Variants in WNK3 observed in about 807,000 individuals in gnomAD.
WNK3 encodes the protein serine/threonine-protein kinase WNK3.
Under a neutral mutation model 116.7 loss-of-function variants are expected in WNK3, and 18 were observed. The observed-to-expected ratio is 0.15, with a 90% CI of 0.11 to 0.23. The LOEUF (loss-of-function observed/expected upper bound fraction) is 0.23. Ranked by LOEUF, WNK3 falls within the 10% of genes least tolerant of loss-of-function variation. The pLI is 1.00. For synonymous variants in WNK3, 404 were observed against 469.4 expected (o/e 0.86, Z 1.80); for missense variants, 993 against 1,323.8 (o/e 0.75, Z 3.88).
intron 20 of WNK3, among the ~76,000 whole-genome samples, chrX:54,233,609 T>C (rs782270313): frequency 3.2e-4 from 35 of 109,883 alleles, no homozygotes; most frequent in Middle Eastern, 4.8e-3. Flanking sequence ...AGAAAAAGAT[T>C]AACAAATTTC....
At chrX:54,216,218 C>T (rs2067693391) in intron 22 of WNK3, among the ~76,000 whole-genome samples, 1 of 108,539 alleles carries the variant, frequency 9.2e-6, no homozygotes, top group East Asian at 2.9e-4. Context: ...GCTGACCTTC[C>T]CTCCACTATT....
At chrX:54,270,644 C>A (rs1208817560) in intron 10 of WNK3, among the ~76,000 whole-genome samples, 2 of 108,932 alleles carry the variant, frequency 1.8e-5, no homozygotes, top group Non-Finnish European at 3.8e-5. Context: ...TATACATGTA[C>A]CATGGTGCTT....
chrX:54,344,453 AAAAG>A (rs2069379564), intron 1 of WNK3, among the ~76,000 whole-genome samples: 1 of 111,629 alleles, frequency 9.0e-6, no homozygotes, highest in Non-Finnish European at 1.9e-5. Flanking sequence ...AGAAAAAAAA[AAAAG>A]AAAAAGCAAA....
At chrX:54,242,829 T>A (rs1430471272) in intron 17 of WNK3, among the ~76,000 whole-genome samples, 1 of 111,586 alleles carries the variant, frequency 9.0e-6, no homozygotes, top group Non-Finnish European at 1.9e-5. Context: ...CAAGGAAAAG[T>A]GGATAATCAG....
chrX:54,338,598 TAAAA>T (rs1486910028), intron 1 of WNK3, among the ~76,000 whole-genome samples: 1 of 107,753 alleles, frequency 9.3e-6, no homozygotes, highest in East Asian at 2.9e-4. Flanking sequence ...TTAATTAAAA[TAAAA>T]AACAAAATAA....
intron 1 of WNK3, among the ~76,000 whole-genome samples, chrX:54,338,896 G>GGAGGCT (rs1170111739): frequency 1.2e-4 from 13 of 107,426 alleles, no homozygotes; most frequent in African/African-American, 4.4e-4. Flanking sequence ...CAGCTGCTCG[G>GGAGGCT]GAGGCTGAGG....
exon 20 of WNK3, chrX:54,237,039 C>G: frequency 1.7e-6 from 2 of 1,212,025 alleles, no homozygotes; most frequent in Non-Finnish European, 2.2e-6. Flanking sequence ...AGAGTGAACT[C>G]TGTGTTTGAG....
intron 10 of WNK3, among the ~76,000 whole-genome samples, chrX:54,275,677 T>A (rs1023970422): frequency 4.5e-5 from 5 of 110,285 alleles, no homozygotes; most frequent in African/African-American, 1.6e-4. Context: ...ACTAACATGA[T>A]AGACTTAAAT....
At chrX:54,245,924 C>A (rs1662875942) in intron 17 of WNK3, among the ~76,000 whole-genome samples, 1 of 111,998 alleles carries the variant, frequency 8.9e-6, no homozygotes, top group Non-Finnish European at 1.9e-5. Context: ...TTATTCCTAC[C>A]AACATAAAAT....
intron 11 of WNK3, among the ~76,000 whole-genome samples, chrX:54,256,392 T>A (rs1557155561): frequency 3.6e-5 from 4 of 112,144 alleles, no homozygotes; most frequent in African/African-American, 1.3e-4. Flanking sequence ...AATAGTGTTC[T>A]GCAGGAGGCA....
chrX:54,207,516 T>TC (rs1557142908), intron 22 of WNK3, among the ~76,000 whole-genome samples: 1 of 103,661 alleles, frequency 9.6e-6, no homozygotes, highest in East Asian at 2.9e-4. Context: ...TATCTTTTTT[T>TC]TTTTTTTTTT....
At chrX:54,226,644 C>G (rs1436808062) in intron 22 of WNK3, among the ~76,000 whole-genome samples, 2 of 107,968 alleles carry the variant, frequency 1.9e-5, no homozygotes, top group African/African-American at 6.7e-5. Context: ...GAGTTTGAGA[C>G]CAGCCTGGCC....
chrX:54,287,664 T>A (rs1212641532), intron 10 of WNK3, among the ~76,000 whole-genome samples: 3 of 111,731 alleles, frequency 2.7e-5, no homozygotes, highest in African/African-American at 6.5e-5. Flanking sequence ...GTCCTCAAAT[T>A]TTTTTTAATT....
intron 2 of WNK3, among the ~76,000 whole-genome samples, chrX:54,332,407 AG>A (rs2147258432): frequency 8.9e-6 from 1 of 111,963 alleles, no homozygotes; most frequent in South Asian, 3.7e-4. Context: ...TGAACCCCCA[AG>A]ATTTTATTGA....
At position 54,248,227 on chromosome X, in the gene WNK3, G is replaced by C. The variant is rs368593426; in HGVS notation, c.3651+470C>G. Among the ~76,000 whole-genome samples, 43 of 108,210 alleles carry C rather than the reference G, an allele frequency of 4.0e-4. No individual in the cohort carries two copies. The East Asian group carries it at 8.3e-3, about 21-fold the overall frequency. 94.0% of individuals were successfully genotyped at this position (108,210 alleles called of 115,157 possible). A position where few individuals can be genotyped will look rare whatever the true frequency, so the allele number is the denominator to read the frequency against. On this transcript the variant is annotated intron_variant, in intron 17 of 23. Coordinates refer to ENST00000354646, the Ensembl canonical transcript of WNK3. The stretch of plus-strand genomic sequence containing the variant: ...GGCGACAGAGCAAGACTCCGTCTAG[G>C]GTTTAAAAAAAAAAAAAAGTCATGG...
At chrX:54,211,441 C>CAAAA (rs1216024608) in intron 22 of WNK3, among the ~76,000 whole-genome samples, 2 of 50,511 alleles carry the variant, frequency 4.0e-5, no homozygotes, top group Non-Finnish European at 7.5e-5. Flanking sequence ...GACTCTGTCT[C>CAAAA]AAAAAAAAAA....
chrX:54,209,545 CTTT>C (rs781825501), intron 22 of WNK3, among the ~76,000 whole-genome samples: 1 of 78,452 alleles, frequency 1.3e-5, no homozygotes, highest in South Asian at 6.1e-4. Context: ...TTAAGCAGTG[CTTT>C]TTTTTTTTTT....
At chrX:54,263,222 G>T (rs1557157001) in intron 10 of WNK3, among the ~76,000 whole-genome samples, 1 of 111,603 alleles carries the variant, frequency 9.0e-6, no homozygotes, top group Admixed American at 9.6e-5. Context: ...CAGTTATTAT[G>T]GAGTGAAGGA....
intron 1 of WNK3, among the ~76,000 whole-genome samples, chrX:54,355,372 G>A (rs1228036181): frequency 9.0e-6 from 1 of 111,125 alleles, no homozygotes; most frequent in African/African-American, 3.3e-5. Flanking sequence ...TTCTTTTTCA[G>A]ATAGAAGGAG....
Sources: allele counts gnomAD v4.1 joint callset (sites outside exome capture counted in the v4.1 genomes callset), GRCh38; gene constraint gnomAD v4.1.1; transcripts MANE v1.5; gene names NCBI Gene and HGNC (gene_info 2026-07-23, HGNC 2026-07-21).